The following NPC1 variants were observed in gnomAD, a reference collection of about 807,000 sequenced individuals.
NPC1 encodes NPC intracellular cholesterol transporter 1.
A neutral mutation model predicts 140.4 loss-of-function variants in NPC1; 85 were observed. The observed-to-expected ratio is 0.61, with a 90% CI of 0.51 to 0.72. The LOEUF is 0.72. Among genes scored for constraint, NPC1 ranks in the 30% least tolerant of loss-of-function variants. The pLI is 0.00. For synonymous variants in NPC1, 656 were observed against 624.8 expected (o/e 1.05, Z -0.74); for missense variants, 1,504 against 1,623.8 (o/e 0.93, Z 1.27).
At chr18:23,551,776 A>G (rs1487550318) in intron 9 of NPC1, 49 bp from the exon 10 acceptor site, 1 of 1,205,276 alleles carries the variant, frequency 8.3e-7, no homozygotes, top group Non-Finnish European at 1.2e-6. Context: ...GCCTCAAGAC[A>G]TCAGGGACCT....
chr18:23,534,522 G>T lies in NPC1; in HGVS notation c.3515C>A (p.Thr1172Asn). The change falls in exon 23 of 25, where the codon ACC (threonine) becomes AAC (asparagine). Residue 1172 changes from threonine (T) to asparagine (N), a missense_variant. Physicochemically the swap from Thr to Asn is moderately conservative, Grantham distance 65 (BLOSUM62 0). Coordinates refer to ENST00000269228, the MANE Select transcript of NPC1 (RefSeq NM_000271.5). ...TTTCATGCTCACCGTGAACGCTCTG[G>T]TTATGTGGCTGCAGAACTCCACGGA... ...GISVEFCSHI[T>N]RAFTVSMKGS... 2 of 1,614,140 alleles carry T rather than the reference G, an allele frequency of 1.2e-6. No homozygotes were observed. The highest frequency in any genetic ancestry group is 1.7e-6 in the Non-Finnish European group (2 of 1,180,026).
At chr18:23,524,336 C>T, downstream of NPC1, 1 of 1,510,122 alleles carries the variant, frequency 6.6e-7, no homozygotes. Flanking sequence ...AGCGTGGACT[C>T]AGTACATGGT....
At chr18:23,583,483 G>C (rs1181408932) in intron 1 of NPC1, among the ~76,000 whole-genome samples, 3 of 152,074 alleles carry the variant, frequency 2.0e-5, no homozygotes, top group African/African-American at 7.2e-5. Context: ...TGTGAAATGG[G>C]GCCCTGGAAG....
chr18:23,531,343 G>A (rs936933550), downstream of NPC1: 10 of 376,394 alleles, frequency 2.7e-5, no homozygotes, highest in Admixed American at 4.5e-5. Flanking sequence ...ATCATCTTTA[G>A]GATAGGGAAG....
chr18:23,535,192 AGCC>A (rs2058609223), intron 22 of NPC1, among the ~76,000 whole-genome samples: 1 of 152,200 alleles, frequency 6.6e-6, no homozygotes, highest in Non-Finnish European at 1.5e-5. Context: ...ATACTAGTAT[AGCC>A]GCAAGGAATG....
chr18:23,583,885 A>C (rs1176630542), intron 1 of NPC1, among the ~76,000 whole-genome samples: 1 of 152,208 alleles, frequency 6.6e-6, no homozygotes, highest in African/African-American at 2.4e-5. Flanking sequence ...AAAGATGGGG[A>C]AAGATTTCCC....
In NPC1 at chr18:23,534,545, G is replaced by A. The variant is rs371160947; in HGVS notation, c.3492C>T (p.Ser1164=). ...TGGTTATGTGGCTGCAGAACTCCAC[G>A]GAGATGCCACAGCTCTGAAATAAAG... is the stretch of plus-strand genomic sequence containing the variant. ...LVNLVMSCGI[S]VEFCSHITRA... is the part of the protein sequence containing the mutation. The change falls in exon 23 of 25, where the codon TCC becomes TCT. Residue 1164 remains serine (S), a synonymous_variant. Transcript: ENST00000269228. The A allele has an allele frequency of 3.6e-5, 58 of 1,613,784 alleles. No homozygotes were observed. The highest frequency in any genetic ancestry group is 5.3e-5 in the African/African-American group (4 of 75,054).
chr18:23,532,280 T>C lies in NPC1; in HGVS notation c.3759A>G (p.Pro1253=). 1 of 1,614,174 alleles carries C rather than the reference T, an allele frequency of 6.2e-7. No individual in the cohort carries two copies. The highest frequency in any genetic ancestry group is 8.5e-7 in the Non-Finnish European group (1 of 1,180,026). ...CACAACTTTTGGCTTTATTTACTGA[T>C]GGCCCTATGAGAGAGAGAGACTTTT... is the stretch of plus-strand genomic sequence containing the variant. The part of the protein sequence containing the change: ...FLPVLLSYIG[P]SVNKAKSCAT... The change falls in exon 25 of 25, where the codon CCA becomes CCG. Residue 1253 remains proline, a synonymous_variant. Transcript: ENST00000269228.
chr18:23,520,128 AG>A (rs1228263704), downstream of NPC1: 2 of 1,117,132 alleles, frequency 1.8e-6, no homozygotes, highest in African/African-American at 3.1e-5. Context: ...TTAAACAGCA[AG>A]ATGGGATGGA....
chr18:23,530,182 T>A (rs1303942655), downstream of NPC1: 1 of 1,613,980 alleles, frequency 6.2e-7, no homozygotes, highest in Admixed American at 1.7e-5. Flanking sequence ...ATGGAAAATT[T>A]TAACCGTTAT....
At chr18:23,539,329 G>C (rs1567949286) in intron 19 of NPC1, 26 bp downstream of exon 19, 1 of 1,541,402 alleles carries the variant, frequency 6.5e-7, no homozygotes, top group Non-Finnish European at 9.0e-7. Flanking sequence ...AGCAAAACAG[G>C]AAAGATTTGG....
Position 23,539,397 on chromosome 18 carries a change from A to G in NPC1, c.2869T>C (p.Cys957Arg). The G allele has an allele frequency of 6.2e-7, 1 of 1,614,116 alleles. No homozygotes were observed. The highest frequency in any genetic ancestry group is 8.5e-7 in the Non-Finnish European group (1 of 1,179,994). ...TGGTCAGTGATATTGTCCACTCGACAGCAAGACGACTGTGGCTTCACCCAG... is the reference window on the plus strand; with the variant it reads ...TGGTCAGTGATATTGTCCACTCGACGGCAAGACGACTGTGGCTTCACCCAG... Reference protein sequence around the residue: ...FDWVKPQSSCCRVDNITDQFC... With the variant: ...FDWVKPQSSCRRVDNITDQFC... The change falls in exon 19 of 25, where the codon TGT becomes CGT. Residue 957 changes from cysteine (C) to arginine (R), a missense_variant. Cys to Arg is a radical substitution (Grantham distance 180, BLOSUM62 -3). Transcript: ENST00000269228.
chr18:23,527,029 GCCTTCACACACAC>G (rs1217444458), downstream of NPC1, among the ~76,000 whole-genome samples: 1 of 152,022 alleles, frequency 6.6e-6, no homozygotes, highest in Non-Finnish European at 1.5e-5. Context: ...ACCACCCCTG[GCCTTCACACACAC>G]CTCTTTCAAA....
At chr18:23,535,246 C>CCTAT (rs2058610284) in intron 22 of NPC1, among the ~76,000 whole-genome samples, 1 of 152,122 alleles carries the variant, frequency 6.6e-6, no homozygotes. Context: ...CTGTAATGTG[C>CCTAT]CTATGCTCCC....
At chr18:23,584,135 A>T (rs1567989959) in intron 1 of NPC1, among the ~76,000 whole-genome samples, 1 of 152,222 alleles carries the variant, frequency 6.6e-6, no homozygotes, top group Non-Finnish European at 1.5e-5. Context: ...CAGTCTAGTA[A>T]TGTTATTACA....
chr18:23,511,783 A>T (rs2057865190), intron 3 of NPC1, among the ~76,000 whole-genome samples: 1 of 151,682 alleles, frequency 6.6e-6, no homozygotes, highest in South Asian at 2.1e-4. Context: ...CTGGTTTTCC[A>T]TTTTTTTGTG....
downstream of NPC1, chr18:23,528,637 G>GT (rs1017395335): frequency 1.3e-5 from 2 of 153,304 alleles, no homozygotes; most frequent in Non-Finnish European, 2.9e-5. Context: ...GCTGCCAGAC[G>GT]TGAGGGATGG....
chr18:23,573,328 G>A (rs909035313), intron 2 of NPC1, 124 bp downstream of exon 2: 6 of 1,354,428 alleles, frequency 4.4e-6, no homozygotes, highest in Non-Finnish European at 6.3e-6. Context: ...TTGAGAGTCC[G>A]GGATAAGACT....
chr18:23,551,706 A>T lies in NPC1; in HGVS notation c.1575T>A (p.Asp525Glu), dbSNP rs1195676260. The change falls in exon 10 of 25, where the codon GAT becomes GAA. Residue 525 changes from aspartate (D) to glutamate (E), a missense_variant. Asp to Glu is a conservative substitution (Grantham distance 45). Coordinates refer to ENST00000269228, the MANE Select transcript of NPC1 (RefSeq NM_000271.5). ...YCVRAPASLN[D>E]TSLLHDPCLG... ...GACAAGGGTCATGGAGCAAACTTGT[A>T]TCATTCAGAGAGGCAGGAGCCCTGC... 1 of 1,614,172 alleles carries T rather than the reference A, an allele frequency of 6.2e-7. No homozygotes were observed. Among genetic ancestry groups the T allele is most frequent in the Non-Finnish European group, 8.5e-7 (1 of 1,179,984 alleles).
Sources: gnomAD v4.1 joint callset for allele counts (sites outside exome capture counted in the v4.1 genomes callset) on GRCh38, gnomAD v4.1.1 for gene constraint, MANE v1.5 for transcripts, NCBI Gene and HGNC (gene_info 2026-07-23, HGNC 2026-07-21) for gene names.